Variants in TMEM132B observed in about 807,000 individuals in gnomAD.
TMEM132B encodes transmembrane protein 132B.
In TMEM132B, 18 loss-of-function variants were observed where a neutral mutation model predicts 90.8. That is an observed-to-expected ratio of 0.20 (90% confidence interval 0.14 to 0.29). The LOEUF is 0.29. Ranked by LOEUF, TMEM132B falls within the 10% of genes least tolerant of loss-of-function variation. TMEM132B has a pLI of 1.00. For synonymous variants in TMEM132B, 504 were observed against 523.3 expected (o/e 0.96, Z 0.50); for missense variants, 1,096 against 1,326.8 (o/e 0.83, Z 2.70).
intron 1 of TMEM132B, among the ~76,000 whole-genome samples, chr12:125,333,823 A>G (rs1419462530): frequency 2.0e-5 from 3 of 152,240 alleles, no homozygotes; most frequent in Admixed American, 6.5e-5. Flanking sequence ...AAATAAAAAT[A>G]TGTCTGTGAC....
At chr12:125,307,231 A>G (rs73233354) in intron 1 of TMEM132B, among the ~76,000 whole-genome samples, 12,841 of 152,216 alleles carry the variant, frequency 0.084, 608 homozygotes, top group Non-Finnish European at 0.1. Flanking sequence ...CACTAAACCC[A>G]TCAGCTCCAC....
rs146412017 is a variant in TMEM132B at position 125,246,530 on chromosome 12, G to T, written c.67+59664G>T. Among the ~76,000 whole-genome samples, 2 of 152,172 alleles carry T rather than the reference G, an allele frequency of 1.3e-5. No individual in the cohort carries two copies. Among genetic ancestry groups the T allele is most frequent in the Non-Finnish European group, 2.9e-5 (2 of 68,042 alleles). Reference sequence around the variant, plus strand: ...ATTATTTGTGCAGTGGCATTTGGAAGCCCTTATTAAGTGATTCCCGTTTGC... The same window carrying T: ...ATTATTTGTGCAGTGGCATTTGGAATCCCTTATTAAGTGATTCCCGTTTGC... On this transcript the variant is annotated intron_variant, in intron 1 of 8. Coordinates refer to ENST00000682704, the MANE Select transcript of TMEM132B (RefSeq NM_001366854.1). This position sits in a 1 kb window ranked among gnomAD's most constrained non-coding sequence, Gnocchi z 4.2.
chr12:125,550,070 G>A (rs931855117), intron 4 of TMEM132B, among the ~76,000 whole-genome samples: 7 of 152,218 alleles, frequency 4.6e-5, no homozygotes, highest in African/African-American at 1.4e-4. Context: ...ATCAGGGGAA[G>A]GGCTTTTCAT....
intron 1 of TMEM132B, among the ~76,000 whole-genome samples, chr12:125,195,535 A>G (rs181543004): frequency 2.5e-4 from 37 of 150,982 alleles, no homozygotes; most frequent in African/African-American, 9.0e-4. Flanking sequence ...AGTAGCAGTG[A>G]TTACAGGCGC....
intron 1 of TMEM132B, among the ~76,000 whole-genome samples, chr12:125,310,611 G>A (rs533405052): frequency 2.4e-4 from 36 of 152,224 alleles, no homozygotes; most frequent in Middle Eastern, 3.4e-3. Context: ...TTCTCTACTC[G>A]GAAAGCTCCC....
At chr12:125,546,141 A>G (rs1884085030) in intron 4 of TMEM132B, among the ~76,000 whole-genome samples, 1 of 152,096 alleles carries the variant, frequency 6.6e-6, no homozygotes. Context: ...CTTTTGCAAT[A>G]AATTTCCATC....
intron 3 of TMEM132B, among the ~76,000 whole-genome samples, chr12:125,517,996 G>A (rs1231267361): frequency 6.6e-6 from 1 of 152,108 alleles, no homozygotes; most frequent in Non-Finnish European, 1.5e-5. Context: ...ATTTGTGGCT[G>A]GTGGCCACAA....
intron 1 of TMEM132B, among the ~76,000 whole-genome samples, chr12:125,327,804 A>T (rs1335628966): frequency 6.6e-6 from 1 of 152,206 alleles, no homozygotes; most frequent in Admixed American, 6.5e-5. Flanking sequence ...TTTTAAAAAA[A>T]AAATCTGTGG....
chr12:125,531,874 G>T (rs944945640), intron 4 of TMEM132B, among the ~76,000 whole-genome samples: 3 of 152,208 alleles, frequency 2.0e-5, no homozygotes, highest in Non-Finnish European at 4.4e-5. Flanking sequence ...AAATGCCGCC[G>T]TAGCACTTGG....
At chr12:125,502,869 A>G (rs1882737035) in intron 3 of TMEM132B, among the ~76,000 whole-genome samples, 1 of 152,232 alleles carries the variant, frequency 6.6e-6, no homozygotes, top group African/African-American at 2.4e-5. Flanking sequence ...AAACTCTGGT[A>G]GAATTAGGGA....
intron 2 of TMEM132B, among the ~76,000 whole-genome samples, chr12:125,396,982 T>C (rs1879186112): frequency 6.6e-6 from 1 of 151,936 alleles, no homozygotes. Context: ...CTATTCTTTT[T>C]TTTTTTTGAG....
chr12:125,539,678 T>G (rs892167796), intron 4 of TMEM132B, among the ~76,000 whole-genome samples: 1 of 152,372 alleles, frequency 6.6e-6, no homozygotes, highest in South Asian at 2.1e-4. Context: ...ATGCTTTTGA[T>G]ATGTCTAGAC....
chr12:125,648,816 A>G (rs1886833836), intron 6 of TMEM132B, among the ~76,000 whole-genome samples: 1 of 152,180 alleles, frequency 6.6e-6, no homozygotes, highest in Non-Finnish European at 1.5e-5. Flanking sequence ...AACTAGTGTC[A>G]TTTATCATAA....
In TMEM132B at chr12:125,349,524, T is replaced by C. The variant is rs1877483013; in HGVS notation, c.140T>C (p.Leu47Ser). ...CTCCCTGCTTACCTCCCCACGAACT[T>C]GCACATCTCCAATGCAGAGGAGTCC... ...SSLPAYLPTN[L>S]HISNAEESFF... Residue 47 changes from leucine (L) to serine (S), a missense_variant, in exon 2 of 9, where the codon TTG becomes TCG. Coordinates refer to ENST00000682704, the MANE Select transcript of TMEM132B (RefSeq NM_001366854.1). The surrounding 1 kb of genome is among the most constrained non-coding windows in gnomAD (Gnocchi z 4.1). 1 of 1,614,172 alleles carries C rather than the reference T, an allele frequency of 6.2e-7. No individual in the cohort carries two copies. The highest frequency in any genetic ancestry group is 1.1e-5 in the South Asian group (1 of 91,086).
intron 3 of TMEM132B, among the ~76,000 whole-genome samples, chr12:125,493,849 C>T (rs73220909): frequency 0.011 from 1,578 of 149,722 alleles, 8 homozygotes; most frequent in African/African-American, 0.018. Flanking sequence ...CCCTCCTCCC[C>T]GTCCTCCCTG....
At chr12:125,631,886 A>G (rs1886376085) in intron 5 of TMEM132B, among the ~76,000 whole-genome samples, 1 of 152,046 alleles carries the variant, frequency 6.6e-6, no homozygotes, top group Non-Finnish European at 1.5e-5. Context: ...TTATAGGTGA[A>G]ATGTGTTTCT....
At chr12:125,373,626 A>G (rs1878374836) in intron 2 of TMEM132B, among the ~76,000 whole-genome samples, 1 of 152,154 alleles carries the variant, frequency 6.6e-6, no homozygotes, top group Admixed American at 6.5e-5. Flanking sequence ...TCCGTTACAA[A>G]GTACCATTGT....
chr12:125,368,999 C>A (rs905033980), intron 2 of TMEM132B, among the ~76,000 whole-genome samples: 1 of 152,122 alleles, frequency 6.6e-6, no homozygotes, highest in East Asian at 1.9e-4. Context: ...TTAGGTATAT[C>A]TCCTAATGCT....
intron 1 of TMEM132B, among the ~76,000 whole-genome samples, chr12:125,319,821 C>T (rs1876379560): frequency 1.3e-5 from 2 of 152,130 alleles, no homozygotes; most frequent in African/African-American, 4.8e-5. Context: ...TCAAGATCAG[C>T]CTGGGCAATA....
Sources: gnomAD v4.1 joint callset for allele counts (sites outside exome capture counted in the v4.1 genomes callset) on GRCh38, gnomAD v4.1.1 for gene constraint, Gnocchi (gnomAD v3.1) non-coding constraint, MANE v1.5 for transcripts, NCBI Gene and HGNC (gene_info 2026-07-23, HGNC 2026-07-21) for gene names.